TRAF5: variants seen among roughly 807,000 people sequenced by gnomAD.
TRAF5 encodes TNF receptor associated factor 5.
TRAF5 carries 48 observed loss-of-function variants against 64.5 expected under a neutral mutation model. The ratio of observed to expected loss-of-function variants is 0.74; its 90% CI spans 0.59 to 0.95. The LOEUF is 0.95. TRAF5 is among the 40% of genes least tolerant of loss of function. The pLI is 0.00. For missense variants in TRAF5, 545 were observed against 662.8 expected, an observed-to-expected ratio of 0.82 and a Z score of 1.95; for synonymous variants, 206 against 240.5, an observed-to-expected ratio of 0.86 and a Z score of 1.33.
intron 10 of TRAF5, 132 bp from the exon 11 acceptor site, chr1:211,371,996 G>T: frequency 1.3e-6 from 1 of 773,464 alleles, no homozygotes; most frequent in South Asian, 1.9e-5. Context: ...TACAACAAAT[G>T]AATTCAGCTC....
intron 4 of TRAF5, 52 bp downstream of exon 4, chr1:211,356,520 G>GTGT: frequency 1.3e-6 from 2 of 1,490,110 alleles, no homozygotes; most frequent in Non-Finnish European, 1.9e-6. Flanking sequence ...CCAGGAATGT[G>GTGT]TGTTGAACCC....
chr1:211,331,721 A>G (rs1341574586), intron 1 of TRAF5, among the ~76,000 whole-genome samples: 16 of 151,656 alleles, frequency 1.1e-4, no homozygotes. Flanking sequence ...GCTGTAGTGC[A>G]GTGGCACAGT....
chr1:211,354,421 C>G lies in TRAF5; in HGVS notation c.230C>G (p.Thr77Arg), dbSNP rs138541263. ...HCILSLRELNTVPICPVDKEV... is the reference protein window; with the variant it reads ...HCILSLRELNRVPICPVDKEV... The stretch of plus-strand genomic sequence containing the variant: ...ATTTTTTTCTCCAGAGAATTAAACA[C>G]AGTGCCAATCTGCCCTGTAGATAAA... The change falls in exon 3 of 11, where the codon ACA becomes AGA. Residue 77 changes from threonine to arginine, a missense_variant. Thr to Arg is a moderately conservative substitution (Grantham distance 71, BLOSUM62 -1). Coordinates refer to ENST00000261464, the MANE Select transcript of TRAF5 (RefSeq NM_001033910.3). 7 of 1,614,004 alleles carry G rather than the reference C, an allele frequency of 4.3e-6. No individual in the cohort carries two copies. In the African/African-American group the frequency reaches 5.3e-5, roughly 12 times the overall value.
At chr1:211,356,264 C>A in intron 3 of TRAF5, 103 bp from the exon 4 acceptor site, 1 of 836,160 alleles carries the variant, frequency 1.2e-6, no homozygotes, top group Non-Finnish European at 1.9e-6. Flanking sequence ...TGGAAGTTTC[C>A]ACCTGCCTTC....
intron 4 of TRAF5, chr1:211,357,890 C>G (rs1703020613): frequency 6.6e-6 from 1 of 152,168 alleles, no homozygotes; most frequent in Admixed American, 6.5e-5. Context: ...CAGATAGTAA[C>G]TATTTTAGGC....
intron 8 of TRAF5, 46 bp from the exon 9 acceptor site, chr1:211,369,406 C>T: frequency 6.7e-7 from 1 of 1,491,620 alleles, no homozygotes; most frequent in Non-Finnish European, 8.9e-7. Context: ...TATATGCATG[C>T]AGTTATATTC....
chr1:211,339,655 T>G (rs1702392860), intron 1 of TRAF5, among the ~76,000 whole-genome samples: 1 of 152,202 alleles, frequency 6.6e-6, no homozygotes, highest in Non-Finnish European at 1.5e-5. Context: ...CCCAACAGCC[T>G]GAGGGCTGCA....
intron 9 of TRAF5, among the ~76,000 whole-genome samples, chr1:211,370,406 CA>C (rs1558149452): frequency 6.6e-5 from 10 of 151,846 alleles, no homozygotes; most frequent in Admixed American, 2.0e-4. Flanking sequence ...CACACACACA[CA>C]CACACCCTTC....
chr1:211,355,176 A>T (rs931469612), intron 3 of TRAF5, among the ~76,000 whole-genome samples: 12 of 152,064 alleles, frequency 7.9e-5, no homozygotes, highest in African/African-American at 2.2e-4. Flanking sequence ...CTGTCTCAAA[A>T]AAAAAAAAAG....
chr1:211,368,974 GTA>G (rs1418986984), intron 8 of TRAF5: 2 of 152,338 alleles, frequency 1.3e-5, no homozygotes, highest in African/African-American at 4.8e-5. Flanking sequence ...ATTTAATGTG[GTA>G]TGGTGATCAG....
rs745950641 is a variant in TRAF5 at position 211,363,329 on chromosome 1, T to C, written c.697-2047T>C. Among the ~76,000 whole-genome samples, 16 of 152,302 alleles carry C rather than the reference T, an allele frequency of 1.1e-4. No homozygotes were observed. The East Asian group carries it at 1.2e-3, about 11-fold the overall frequency. ...CTAAAAACAACCTGTAAGTCTATCA[T>C]TAAAACACCAACTATATAATTATGT... On this transcript the variant is annotated intron_variant, in intron 7 of 10. Transcript: ENST00000261464.
chr1:211,334,655 C>A (rs1231545990), intron 1 of TRAF5, among the ~76,000 whole-genome samples: 1 of 152,156 alleles, frequency 6.6e-6, no homozygotes, highest in Non-Finnish European at 1.5e-5. Flanking sequence ...GAGACCCCGT[C>A]TCAAAACAAA....
At chr1:211,362,352 T>G (rs1188744536) in intron 7 of TRAF5, among the ~76,000 whole-genome samples, 1 of 152,192 alleles carries the variant, frequency 6.6e-6, no homozygotes, top group East Asian at 1.9e-4. Context: ...TCAGAAATCA[T>G]GAAAATACTA....
chr1:211,372,576 C>T lies in TRAF5; in HGVS notation c.1548C>T (p.Asn516=). 1 of 1,614,160 alleles carries T rather than the reference C, an allele frequency of 6.2e-7. No homozygotes were observed. The highest frequency in any genetic ancestry group is 1.3e-5 in the African/African-American group (1 of 75,048). Reference sequence around the variant, plus strand: ...TTAAAAGACCTGATGGGGAGATGAACATTGCATCTGGCTGTCCCCGCTTTG... The same window carrying T: ...TTAAAAGACCTGATGGGGAGATGAATATTGCATCTGGCTGTCCCCGCTTTG... ...SSFKRPDGEM[N]IASGCPRFVA... is the part of the protein sequence containing the mutation. Residue 516 remains asparagine, a synonymous_variant, in exon 11 of 11, where the codon AAC becomes AAT. Transcript: ENST00000261464.
intron 3 of TRAF5, among the ~76,000 whole-genome samples, chr1:211,354,908 A>G (rs1324134194): frequency 6.6e-6 from 1 of 152,096 alleles, no homozygotes; most frequent in South Asian, 2.1e-4. Context: ...AGAGTTATTT[A>G]TAGCCTGTAA....
intron 7 of TRAF5, among the ~76,000 whole-genome samples, chr1:211,363,605 T>TA (rs899879345): frequency 1.8e-4 from 28 of 151,682 alleles, no homozygotes; most frequent in African/African-American, 5.8e-4. Context: ...GAGAAGGATT[T>TA]AAAAAAAAAT....
chr1:211,348,895 G>T (rs1407394308), intron 1 of TRAF5, among the ~76,000 whole-genome samples: 1 of 151,920 alleles, frequency 6.6e-6, no homozygotes, highest in Admixed American at 6.6e-5. Context: ...GGCTCCTCAA[G>T]TTTTAAGAGT....
At chr1:211,354,617 CTCGT>C in intron 3 of TRAF5, 150 bp downstream of exon 3, 3 of 748,846 alleles carry the variant, frequency 4.0e-6, no homozygotes, top group Non-Finnish European at 6.4e-6. Context: ...TCAGACCCTA[CTCGT>C]AGCCCTGTTT....
chr1:211,326,698 G>C (rs973420899), upstream of TRAF5: 2 of 986,008 alleles, frequency 2.0e-6, no homozygotes, highest in Non-Finnish European at 2.4e-6. This position sits in a 1 kb window ranked among gnomAD's most constrained non-coding sequence, Gnocchi z 5.0. Context: ...CAACCGCCTG[G>C]ATGACGGTCT....
Sources: allele counts gnomAD v4.1 joint callset (sites outside exome capture counted in the v4.1 genomes callset), GRCh38; gene constraint gnomAD v4.1.1; non-coding constraint Gnocchi (gnomAD v3.1); transcripts MANE v1.5; gene names NCBI Gene and HGNC (gene_info 2026-07-23, HGNC 2026-07-21).